The following KMT2C variants were observed in gnomAD, a reference collection of about 807,000 sequenced individuals.
KMT2C encodes lysine methyltransferase 2C, also known as histone-lysine N-methyltransferase 2C.
Under a neutral mutation model 507.9 loss-of-function variants are expected in KMT2C, and 88 were observed. The observed-to-expected ratio is 0.17, with a 90% CI of 0.15 to 0.21. The LOEUF is 0.21. KMT2C is among the 10% of genes least tolerant of loss of function. KMT2C has a pLI of 1.00. For missense variants in KMT2C, 4,954 were observed against 5,957.8 expected (o/e 0.83, Z 5.55); for synonymous variants, 2,049 against 2,080.8 (o/e 0.98, Z 0.42).
intron 1 of KMT2C, among the ~76,000 whole-genome samples, chr7:152,391,645 T>G (rs1264171327): frequency 6.7e-6 from 1 of 148,862 alleles, no homozygotes; most frequent in Non-Finnish European, 1.5e-5. Context: ...CAAGCAATTC[T>G]CCTACCTCAG....
At chr7:152,193,437 C>T (rs1375587372) in intron 31 of KMT2C, among the ~76,000 whole-genome samples, 1 of 152,172 alleles carries the variant, frequency 6.6e-6, no homozygotes, top group African/African-American at 2.4e-5. Flanking sequence ...CACTGATTTA[C>T]TATGAAAGTA....
At chr7:152,393,597 A>G (rs796285770) in intron 1 of KMT2C, among the ~76,000 whole-genome samples, 1 of 152,088 alleles carries the variant, frequency 6.6e-6, no homozygotes, top group African/African-American at 2.4e-5. Context: ...ATGGATACCA[A>G]TCACGGCTGA....
chr7:152,268,647 G>A (rs1279801094), intron 7 of KMT2C, among the ~76,000 whole-genome samples: 2 of 152,038 alleles, frequency 1.3e-5, no homozygotes, highest in Non-Finnish European at 2.9e-5. Flanking sequence ...TGTTTCTTAA[G>A]ACAGTACCAG....
At chr7:152,370,835 A>G (rs2097288507) in intron 1 of KMT2C, among the ~76,000 whole-genome samples, 1 of 152,250 alleles carries the variant, frequency 6.6e-6, no homozygotes, top group Non-Finnish European at 1.5e-5. Flanking sequence ...ATAGCCATGT[A>G]TATTTGTTTA....
Position 152,136,640 on chromosome 7 carries a change from C to T in KMT2C, c.*192G>A, listed in dbSNP as rs759420858. On this transcript the variant is annotated 3_prime_UTR_variant, in exon 59 of 59. Transcript: ENST00000262189. ...CGTTTAACCTCGGCCACTTCAGGAA[C>T]GCTGCTTCTGTCAGCTTCCTCCTGG... 43 of 581,590 alleles carry T rather than the reference C, an allele frequency of 7.4e-5. No homozygotes were observed. Among genetic ancestry groups the T allele is most frequent in the Non-Finnish European group, 9.8e-5 (32 of 326,226 alleles). The allele number at this position is 581,590 out of a possible 1,614,324, so 36.0% of individuals were successfully genotyped here. A position where few individuals can be genotyped will look rare whatever the true frequency, so the allele number is the denominator to read the frequency against.
intron 23 of KMT2C, among the ~76,000 whole-genome samples, chr7:152,207,904 C>A (rs952048170): frequency 2.0e-5 from 3 of 152,168 alleles, no homozygotes; most frequent in Admixed American, 2.0e-4. Flanking sequence ...CCGGAGAAGA[C>A]AGAGGCCTGG....
intron 1 of KMT2C, among the ~76,000 whole-genome samples, chr7:152,429,767 C>G (rs574252728): frequency 3.3e-5 from 5 of 151,860 alleles, no homozygotes; most frequent in Non-Finnish European, 7.4e-5. Flanking sequence ...GATCCGCCCA[C>G]CTCAGCCTCC....
intron 6 of KMT2C, among the ~76,000 whole-genome samples, chr7:152,287,110 C>A (rs542944032): frequency 6.6e-6 from 1 of 152,162 alleles, no homozygotes; most frequent in Non-Finnish European, 1.5e-5. Flanking sequence ...TGAGCAGTAA[C>A]GCGGCTTCCT....
intron 1 of KMT2C, among the ~76,000 whole-genome samples, chr7:152,415,553 A>G (rs1175101442): frequency 6.6e-6 from 1 of 152,164 alleles, no homozygotes; most frequent in African/African-American, 2.4e-5. Context: ...TGGACAAAAC[A>G]CGACTGGGCA....
intron 3 of KMT2C, among the ~76,000 whole-genome samples, chr7:152,321,724 G>A (rs2129206500): frequency 6.6e-6 from 1 of 151,860 alleles, no homozygotes; most frequent in South Asian, 2.1e-4. Context: ...GGAGGTAAAA[G>A]ACCTGTATAC....
chr7:152,419,761 C>T (rs1457339952), intron 1 of KMT2C, among the ~76,000 whole-genome samples: 3 of 152,178 alleles, frequency 2.0e-5, no homozygotes, highest in African/African-American at 7.2e-5. Flanking sequence ...CAATCACTTA[C>T]AAGCTATATA....
At chr7:152,293,948 C>T (rs2096460743) in intron 6 of KMT2C, among the ~76,000 whole-genome samples, 1 of 151,912 alleles carries the variant, frequency 6.6e-6, no homozygotes, top group African/African-American at 2.4e-5. Context: ...ACCTCTGCAT[C>T]CTGGGCTCAA....
chr7:152,221,030 G>C (rs2094750289), intron 22 of KMT2C, among the ~76,000 whole-genome samples: 1 of 152,170 alleles, frequency 6.6e-6, no homozygotes, highest in African/African-American at 2.4e-5. Flanking sequence ...CGAGGCGGCA[G>C]GCAGATCACG....
Position 152,180,849 on chromosome 7 carries a change from A to G in KMT2C, c.7011T>C (p.Ser2337=), listed in dbSNP as rs2129119229. 2 of 1,614,204 alleles carry G rather than the reference A, an allele frequency of 1.2e-6. No homozygotes were observed. The highest frequency in any genetic ancestry group is 1.7e-6 in the Non-Finnish European group (2 of 1,180,026). ...CTTGGGAGTGCATTGGAGAGTTTGA[A>G]GATGCACAGAAGCTCCCCTCTGATC... ...RPGSEGSFCA[S]SNSPMHSQGQ... Residue 2337 remains serine (S), a synonymous_variant, in exon 36 of 59, where the codon TCT becomes TCC. Coordinates refer to ENST00000262189, the MANE Select transcript of KMT2C (RefSeq NM_170606.3).
chr7:152,435,430 G>A (rs2097908483), intron 1 of KMT2C, among the ~76,000 whole-genome samples, 196 bp downstream of exon 1: 1 of 147,732 alleles, frequency 6.8e-6, no homozygotes, highest in Admixed American at 6.7e-5. Context: ...GCGGCGCGGA[G>A]CGGGGGAGGC....
chr7:152,386,885 C>T (rs1161639210), intron 1 of KMT2C, among the ~76,000 whole-genome samples: 2 of 152,114 alleles, frequency 1.3e-5, no homozygotes, highest in African/African-American at 4.8e-5. Flanking sequence ...ATACAGAGCT[C>T]GGGATCTTAA....
At chr7:152,363,532 T>C (rs2097213074) in intron 1 of KMT2C, among the ~76,000 whole-genome samples, 1 of 152,036 alleles carries the variant, frequency 6.6e-6, no homozygotes, top group Non-Finnish European at 1.5e-5. Flanking sequence ...GAAACAACCT[T>C]ATTATAAGAC....
At chr7:152,271,884 G>A (rs940686584) in intron 7 of KMT2C, among the ~76,000 whole-genome samples, 1 of 151,882 alleles carries the variant, frequency 6.6e-6, no homozygotes, top group Non-Finnish European at 1.5e-5. Context: ...ATCAAGTGAC[G>A]TCTTGTTATA....
intron 6 of KMT2C, among the ~76,000 whole-genome samples, chr7:152,308,888 A>C (rs980475967): frequency 6.6e-6 from 1 of 152,068 alleles, no homozygotes; most frequent in African/African-American, 2.4e-5. Flanking sequence ...ATCACTTCAC[A>C]GAGTTTGCTG....
Sources: gnomAD v4.1 joint callset for allele counts (sites outside exome capture counted in the v4.1 genomes callset) on GRCh38, gnomAD v4.1.1 for gene constraint, MANE v1.5 for transcripts, NCBI Gene and HGNC (gene_info 2026-07-23, HGNC 2026-07-21) for gene names.